DST: variants seen among roughly 807,000 people sequenced by gnomAD.
The protein encoded by DST is dystonin, also known as bullous pemphigoid antigen.
DST carries 253 observed loss-of-function variants against 875.2 expected under a neutral mutation model. The ratio of observed to expected loss-of-function variants is 0.29; its 90% confidence interval spans 0.26 to 0.32. DST has a LOEUF of 0.32. DST is among the 10% of genes least tolerant of loss of function. The pLI is 1.00. For synonymous variants in DST, 3,124 were observed against 3,197.1 expected (o/e 0.98, Z 0.77); for missense variants, 8,287 against 9,111.6 (o/e 0.91, Z 3.68).
Position 56,642,010 on chromosome 6 carries a change from T to C in DST, c.1964A>G (p.His655Arg). ...AATAAGAATCTGTACATCAATTACA[T>C]GCTGGCGTAAAAGGTTCTCACATTC... The part of the protein sequence containing the change: ...ILECENLLRQ[H>R]VIDVQILIDG... The change falls in exon 17 of 104, where the codon CAT becomes CGT. Residue 655 changes from histidine to arginine, a missense_variant. Physicochemically the swap from His to Arg is conservative, Grantham distance 29. This residue lies in a region of DST where 1,160 missense variants were observed against 1,424.3 expected (regional missense o/e 0.81). Transcript: ENST00000680361. 1.9e-6 allele frequency: 3 copies of C among 1,613,556 alleles called. No homozygotes were observed. The highest frequency in any genetic ancestry group is 1.7e-6 in the Non-Finnish European group (2 of 1,179,608).
At chr6:56,626,041 A>C (rs1374660125) in intron 34 of DST, among the ~76,000 whole-genome samples, 1 of 151,952 alleles carries the variant, frequency 6.6e-6, no homozygotes, top group Non-Finnish European at 1.5e-5. Flanking sequence ...TAAAGAAAGA[A>C]GATGCTTTTG....
chr6:56,738,214 C>T (rs556252922), intron 4 of DST, among the ~76,000 whole-genome samples: 1 of 152,268 alleles, frequency 6.6e-6, no homozygotes, highest in African/African-American at 2.4e-5. Flanking sequence ...TTCAGTGCCC[C>T]CAACTTCTAA....
intron 3 of DST, among the ~76,000 whole-genome samples, chr6:56,885,561 T>C (rs1784348730): frequency 6.6e-6 from 1 of 152,160 alleles, no homozygotes; most frequent in African/African-American, 2.4e-5. Flanking sequence ...ATGACAGTAT[T>C]AAGAGGAGGG....
At position 56,572,907 on chromosome 6, in the gene DST, T is replaced by G; in HGVS notation, c.13394A>C (p.His4465Pro). The part of the protein sequence containing the change: ...SARFSEASHK[H>P]KETLAKMEEL... ...CTCCATTTTGGCAAGAGTTTCTTTG[T>G]GTTTATGACTTGCTTCTGAAAACCG... The change falls in exon 52 of 104, where the codon CAC becomes CCC. Residue 4465 changes from histidine to proline, a missense_variant. Coordinates refer to ENST00000680361, the MANE Select transcript of DST (RefSeq NM_001374736.1). 1 of 1,613,478 alleles carries G rather than the reference T, an allele frequency of 6.2e-7. No homozygotes were observed. The highest frequency in any genetic ancestry group is 8.5e-7 in the Non-Finnish European group (1 of 1,179,714).
intron 5 of DST, among the ~76,000 whole-genome samples, chr6:56,730,722 A>T (rs2099494200): frequency 6.6e-6 from 1 of 152,230 alleles, no homozygotes; most frequent in Non-Finnish European, 1.5e-5. Flanking sequence ...TCCTGACACC[A>T]GTAATTTACC....
intron 77 of DST, among the ~76,000 whole-genome samples, chr6:56,505,284 T>C (rs984611382): frequency 1.3e-5 from 2 of 152,106 alleles, no homozygotes; most frequent in African/African-American, 4.8e-5. Context: ...TTTCTGGTAG[T>C]GATAAAGAGA....
At chr6:56,767,061 T>C (rs746591309) in intron 4 of DST, among the ~76,000 whole-genome samples, 24 of 152,198 alleles carry the variant, frequency 1.6e-4, no homozygotes, top group Non-Finnish European at 2.9e-4. Context: ...CTAAAAACAT[T>C]TCTTTGGCTT....
intron 2 of DST, among the ~76,000 whole-genome samples, chr6:56,901,453 G>A (rs1394917625): frequency 6.6e-6 from 1 of 152,156 alleles, no homozygotes; most frequent in Non-Finnish European, 1.5e-5. Context: ...AAATTAGCTG[G>A]TCATGCTGGT....
chr6:56,584,222 T>C lies in DST; in HGVS notation c.12904-5285A>G, dbSNP rs560843114. Among the ~76,000 whole-genome samples, 368 of 152,072 alleles carry C rather than the reference T, an allele frequency of 2.4e-3. 1 individual carries two copies. The highest frequency in any genetic ancestry group is 8.2e-3 in the African/African-American group (340 of 41,452). ...TCACGATATTGATTCTTCTTACCCA[T>C]GAGCATGGAATGTTCTTCCATTTGT... On this transcript the variant is annotated intron_variant, in intron 49 of 103. Coordinates refer to ENST00000680361, the MANE Select transcript of DST (RefSeq NM_001374736.1).
intron 64 of DST, 77 bp downstream of exon 64, chr6:56,532,267 A>G: frequency 7.5e-7 from 1 of 1,335,598 alleles, no homozygotes; most frequent in Non-Finnish European, 1.1e-6. Flanking sequence ...TTGAAGTATT[A>G]ACAAAATACA....
At chr6:56,593,639 C>G (rs900106901) in intron 48 of DST, 24 bp downstream of exon 48, 14 of 1,455,464 alleles carry the variant, frequency 9.6e-6, no homozygotes, top group African/African-American at 1.4e-5. Context: ...TGACTTTTCC[C>G]TTAAAAAATC....
intron 3 of DST, among the ~76,000 whole-genome samples, chr6:56,874,260 G>A (rs1778689904): frequency 6.6e-6 from 1 of 152,070 alleles, no homozygotes; most frequent in Admixed American, 6.5e-5. Context: ...GATCACTTGA[G>A]CCCCGGAGTT....
intron 90 of DST, among the ~76,000 whole-genome samples, chr6:56,480,391 A>C (rs1208363671): frequency 2.0e-5 from 3 of 152,216 alleles, no homozygotes; most frequent in Non-Finnish European, 4.4e-5. Context: ...TAGAGGAGCC[A>C]AGGTTATACC....
At position 56,606,415 on chromosome 6, in the gene DST, G is replaced by T; in HGVS notation, c.8213C>A (p.Ser2738Tyr). 6.2e-7 allele frequency: 1 copy of T among 1,613,352 alleles called. No homozygotes were observed. The highest frequency in any genetic ancestry group is 8.5e-7 in the Non-Finnish European group (1 of 1,179,568). The change falls in exon 40 of 104, where the codon TCT (serine) becomes TAT (tyrosine). Residue 2738 changes from serine (S) to tyrosine (Y), a missense_variant. Physicochemically the swap from Ser to Tyr is moderately radical, Grantham distance 144. Coordinates refer to ENST00000680361, the MANE Select transcript of DST (RefSeq NM_001374736.1). ...AATATCATAATCAGTCAATGAGTCA[G>T]ATTCATCACCTTCAAGGATATTTGT... ...ECTNILEGDESDSLTDYDIVG... is the reference protein window; with the variant it reads ...ECTNILEGDEYDSLTDYDIVG...
intron 4 of DST, among the ~76,000 whole-genome samples, chr6:56,763,948 T>C (rs2099625498): frequency 6.6e-6 from 1 of 152,110 alleles, no homozygotes; most frequent in Non-Finnish European, 1.5e-5. Flanking sequence ...AACTACATAC[T>C]ATAAATATAC....
chr6:56,843,272 A>C lies in DST; in HGVS notation c.625+8125T>G, dbSNP rs1040957491. Reference sequence around the variant, plus strand: ...GAGGAAGGAGCAGCACGCTGGGGAGAAGCACGGAAGCCGAAGACGCAGAGC... The same window carrying C: ...GAGGAAGGAGCAGCACGCTGGGGAGCAGCACGGAAGCCGAAGACGCAGAGC... On this transcript the variant is annotated intron_variant, in intron 4 of 103. Transcript: ENST00000680361. 7.2e-6 allele frequency: 9 copies of C among 1,253,566 alleles called. No individual in the cohort carries two copies. In the African/African-American group the frequency reaches 9.2e-5, roughly 13 times the overall value. The allele number at this position is 1,253,566 out of a possible 1,614,324, so 77.7% of individuals were successfully genotyped here.
rs371758916 is a variant in DST, at chr6:56,481,993, A to T, written c.21531+57T>A. ...AGTTGATATTTGTAATCCCGAGTCT[A>T]TTTTCCCTGCTTTGATTTTCTAATT... On this transcript the variant is annotated intron_variant, in intron 90 of 103. Transcript: ENST00000680361. 88 of 1,563,578 alleles carry T rather than the reference A, an allele frequency of 5.6e-5. 1 individual carries two copies. In the East Asian group the frequency reaches 8.4e-4, roughly 15 times the overall value.
At position 56,640,359 on chromosome 6, in the gene DST, C is replaced by A. The variant is rs1460915764; in HGVS notation, c.2274G>T (p.Leu758=). 6.2e-7 allele frequency: 1 copy of A among 1,614,016 alleles called. No homozygotes were observed. Among genetic ancestry groups the A allele is most frequent in the East Asian group, 2.2e-5 (1 of 44,888 alleles). The change falls in exon 18 of 104, where the codon CTG becomes CTT. Residue 758 remains leucine, a synonymous_variant. Coordinates refer to ENST00000680361, the MANE Select transcript of DST (RefSeq NM_001374736.1). ...TATAAGCTGGAGTGACAGATGGAGT[C>A]AGGCGGGAAGTCATCCCTGATGACA... ...SGLSSGMTSR[L]TPSVTPAYTP...
Position 56,608,619 on chromosome 6 carries a change from T to C in DST, c.6009A>G (p.Gln2003=). ...SGGLINSNSG[Q]RMTVEEAVRE... Reference sequence around the variant, plus strand: ...TGACAGCTTCTTCAACAGTCATTCTTTGGCCAGAGTTGGAATTGATCAGAC... The same window carrying C: ...TGACAGCTTCTTCAACAGTCATTCTCTGGCCAGAGTTGGAATTGATCAGAC... The change falls in exon 40 of 104, where the codon CAA becomes CAG. Residue 2003 remains glutamine (Q), a synonymous_variant. Transcript: ENST00000680361. 1 of 1,613,416 alleles carries C rather than the reference T, an allele frequency of 6.2e-7. No individual in the cohort carries two copies. Among genetic ancestry groups the C allele is most frequent in the Non-Finnish European group, 8.5e-7 (1 of 1,179,656 alleles).
Sources: allele counts gnomAD v4.1 joint callset (sites outside exome capture counted in the v4.1 genomes callset), GRCh38; gene constraint gnomAD v4.1.1; regional missense constraint gnomAD v4.1.1; transcripts MANE v1.5; gene names NCBI Gene and HGNC (gene_info 2026-07-23, HGNC 2026-07-21).